MAPK10: variants seen among roughly 807,000 people sequenced by gnomAD.
MAPK10 encodes JNK3 alpha protein kinase.
MAPK10 carries 25 observed loss-of-function variants against 59.3 expected under a neutral mutation model. The ratio of observed to expected loss-of-function variants is 0.42; its 90% CI spans 0.31 to 0.59. MAPK10 has a LOEUF of 0.59. Ranked by LOEUF, MAPK10 falls within the 20% of genes least tolerant of loss-of-function variation. MAPK10 has a pLI of 0.15. For missense variants in MAPK10, 351 were observed against 568.9 expected, an observed-to-expected ratio of 0.62 and a Z score of 3.90; for synonymous variants, 190 against 200.5, an observed-to-expected ratio of 0.95 and a Z score of 0.44.
intron 1 of MAPK10, among the ~76,000 whole-genome samples, chr4:86,415,568 C>T (rs1364306315): frequency 1.3e-5 from 2 of 152,130 alleles, no homozygotes; most frequent in Non-Finnish European, 2.9e-5. Flanking sequence ...AGTACTCCTG[C>T]TACAATCTGG....
chr4:86,545,989 G>A (rs979733268), intron 1 of MAPK10, among the ~76,000 whole-genome samples: 1 of 152,174 alleles, frequency 6.6e-6, no homozygotes, highest in African/African-American at 2.4e-5. Flanking sequence ...GGTGGCTCAC[G>A]CCTGTAATCC....
intron 1 of MAPK10, among the ~76,000 whole-genome samples, chr4:86,369,462 C>A (rs1738419584): frequency 6.6e-6 from 1 of 152,172 alleles, no homozygotes. Context: ...TGATCGTATA[C>A]AAACACTTAA....
intron 4 of MAPK10, among the ~76,000 whole-genome samples, chr4:86,135,489 A>T (rs957752337): frequency 7.2e-5 from 11 of 152,184 alleles, no homozygotes; most frequent in Non-Finnish European, 1.5e-4. Flanking sequence ...GTCTGTTAGA[A>T]GGAAAACTAA....
chr4:86,038,441 A>T (rs1258894544), intron 11 of MAPK10, among the ~76,000 whole-genome samples: 3 of 152,240 alleles, frequency 2.0e-5, no homozygotes, highest in African/African-American at 7.2e-5. Context: ...AAAACGCTTT[A>T]AGCAAGAAGG....
chr4:86,488,170 T>C (rs1035809040), intron 1 of MAPK10, among the ~76,000 whole-genome samples: 1 of 152,176 alleles, frequency 6.6e-6, no homozygotes, highest in Non-Finnish European at 1.5e-5. Context: ...CCTCCTCCCA[T>C]ATCTGAAATG....
intron 1 of MAPK10, among the ~76,000 whole-genome samples, chr4:86,448,324 T>G (rs1295141473): frequency 6.6e-6 from 1 of 152,022 alleles, no homozygotes; most frequent in African/African-American, 2.4e-5. Context: ...TTTGTCAGAA[T>G]TTTCTAGTCT....
At chr4:86,379,689 C>G (rs75502152) in intron 1 of MAPK10, among the ~76,000 whole-genome samples, 2 of 152,196 alleles carry the variant, frequency 1.3e-5, no homozygotes, top group Non-Finnish European at 1.5e-5. Context: ...TTATTTCAGC[C>G]CATTCCTTTG....
In MAPK10 at chr4:86,156,965, T is replaced by C. The variant is rs574797288; in HGVS notation, c.236+2333A>G. ...TTCTGCTTCAACAGATAATCTTTTCTTTCCCTCAAAGGCAGAAGGAAAATT... is the reference window on the plus strand; with the variant it reads ...TTCTGCTTCAACAGATAATCTTTTCCTTCCCTCAAAGGCAGAAGGAAAATT... On this transcript the variant is annotated intron_variant, in intron 4 of 13. Transcript: ENST00000641462. 4.6e-5 allele frequency among the ~76,000 whole-genome samples: 7 copies of C among 152,216 alleles called. No individual in the cohort carries two copies. The East Asian group carries it at 1.3e-3, about 29-fold the overall frequency.
intron 3 of MAPK10, chr4:86,193,223 G>A (rs1478049107): frequency 1.3e-5 from 2 of 152,892 alleles, no homozygotes; most frequent in African/African-American, 4.8e-5. Flanking sequence ...GCTGGGAGGT[G>A]TGGGGTCAGG....
intron 13 of MAPK10, among the ~76,000 whole-genome samples, chr4:86,021,239 A>G (rs1158332710): frequency 6.7e-6 from 1 of 150,260 alleles, no homozygotes; most frequent in African/African-American, 2.5e-5. Context: ...TGGTATATTT[A>G]CAATCCCTGA....
chr4:86,104,252 T>C (rs2056124615), intron 5 of MAPK10, among the ~76,000 whole-genome samples: 1 of 152,132 alleles, frequency 6.6e-6, no homozygotes, highest in Non-Finnish European at 1.5e-5. Context: ...TGAGAAATTA[T>C]TGACAAAAAA....
chr4:86,433,419 G>A (rs994827791), intron 1 of MAPK10, among the ~76,000 whole-genome samples: 2 of 151,944 alleles, frequency 1.3e-5, no homozygotes, highest in African/African-American at 4.8e-5. Flanking sequence ...ACTTTTTGGT[G>A]CAATTAATAC....
chr4:86,265,875 G>T (rs2094213689), intron 2 of MAPK10, among the ~76,000 whole-genome samples: 1 of 152,068 alleles, frequency 6.6e-6, no homozygotes, highest in Non-Finnish European at 1.5e-5. Flanking sequence ...GTTGAGTTGG[G>T]GTTCATTACC....
intron 3 of MAPK10, 33 bp from the exon 4 acceptor site, chr4:86,159,500 C>A: frequency 6.3e-7 from 1 of 1,579,894 alleles, no homozygotes; most frequent in Non-Finnish European, 8.7e-7. Context: ...AAACATGAGG[C>A]AAGTGAACAG....
At chr4:86,287,244 T>C (rs187067004) in intron 2 of MAPK10, among the ~76,000 whole-genome samples, 1 of 152,230 alleles carries the variant, frequency 6.6e-6, no homozygotes, top group Non-Finnish European at 1.5e-5. Flanking sequence ...TTAAATATGT[T>C]GTATCTGCTT....
intron 9 of MAPK10, among the ~76,000 whole-genome samples, chr4:86,078,020 C>T (rs557161260): frequency 7.9e-5 from 12 of 152,224 alleles, no homozygotes; most frequent in East Asian, 3.9e-4. Flanking sequence ...ATATTCGTAA[C>T]GCAGGGAACT....
chr4:86,439,415 C>T (rs2149046570), intron 1 of MAPK10, among the ~76,000 whole-genome samples: 1 of 152,276 alleles, frequency 6.6e-6, no homozygotes, highest in South Asian at 2.1e-4. Context: ...TTCTTATGTG[C>T]ATCAATAAGT....
chr4:86,066,648 C>G (rs2046792644), intron 10 of MAPK10, among the ~76,000 whole-genome samples: 1 of 151,222 alleles, frequency 6.6e-6, no homozygotes, highest in African/African-American at 2.4e-5. Flanking sequence ...GCCTGTAGTC[C>G]CAGCTACTCG....
At chr4:86,212,186 G>C (rs1356166503) in intron 2 of MAPK10, among the ~76,000 whole-genome samples, 1 of 151,980 alleles carries the variant, frequency 6.6e-6, no homozygotes, top group African/African-American at 2.4e-5. Context: ...CCAACTATAT[G>C]CTATCTATGA....
Sources: allele counts gnomAD v4.1 joint callset (sites outside exome capture counted in the v4.1 genomes callset), GRCh38; gene constraint gnomAD v4.1.1; transcripts MANE v1.5; gene names NCBI Gene and HGNC (gene_info 2026-07-23, HGNC 2026-07-21).